Variants in PSMB7 observed in about 807,000 individuals in gnomAD.
PSMB7 encodes proteasome 20S subunit beta 7.
A neutral mutation model predicts 28.1 loss-of-function variants in PSMB7; 5 were observed. That is an observed-to-expected ratio of 0.18 (90% confidence interval 0.09 to 0.37). The LOEUF (loss-of-function observed/expected upper bound fraction) is 0.37. PSMB7 is among the 10% of genes least tolerant of loss of function. The pLI, the probability that PSMB7 is intolerant of heterozygous loss-of-function variation, is 1.00. For missense variants in PSMB7, 275 were observed against 346.2 expected (o/e 0.79, Z 1.63); for synonymous variants, 122 against 123.7 (o/e 0.99, Z 0.09).
intron 5 of PSMB7, among the ~76,000 whole-genome samples, chr9:124,403,077 T>A (rs1830928435): frequency 6.6e-6 from 1 of 151,836 alleles, no homozygotes; most frequent in South Asian, 2.1e-4. Flanking sequence ...CAGAAAATAT[T>A]AAGAGGTAAA....
chr9:124,374,295 A>AT (rs1335503977), intron 6 of PSMB7, among the ~76,000 whole-genome samples: 1 of 152,210 alleles, frequency 6.6e-6, no homozygotes, highest in African/African-American at 2.4e-5. Flanking sequence ...GGTGCTGGAA[A>AT]TGTCCTAAGA....
chr9:124,375,574 C>T (rs1426823566), intron 6 of PSMB7, among the ~76,000 whole-genome samples: 1 of 152,072 alleles, frequency 6.6e-6, no homozygotes, highest in Non-Finnish European at 1.5e-5. Flanking sequence ...CAAATATAAC[C>T]TTAAAACCTA....
chr9:124,411,765 A>C (rs1831029342), intron 4 of PSMB7, among the ~76,000 whole-genome samples: 1 of 152,222 alleles, frequency 6.6e-6, no homozygotes, highest in Non-Finnish European at 1.5e-5. Context: ...TTTAAACCTC[A>C]ATTTCTTCAC....
In PSMB7 at chr9:124,356,079, C is replaced by G. The variant is rs1456826172; in HGVS notation, c.722+685G>C. 6.6e-6 allele frequency among the ~76,000 whole-genome samples: 1 copy of G among 152,148 alleles called. No individual in the cohort carries two copies. The highest frequency in any genetic ancestry group is 2.4e-5 in the African/African-American group (1 of 41,414). Reference sequence around the variant, plus strand: ...GGGAGCCCATCCTGACCTGCCCGGGCTCCCAGAAGAGGTCAGGAGCCACAG... The same window carrying G: ...GGGAGCCCATCCTGACCTGCCCGGGGTCCCAGAAGAGGTCAGGAGCCACAG... On this transcript the variant is annotated intron_variant, in intron 7 of 7. Transcript: ENST00000259457. The surrounding 1 kb of genome is among the most constrained non-coding windows in gnomAD (Gnocchi z 4.4).
chr9:124,384,679 T>C, intron 5 of PSMB7, 23 bp from the exon 6 acceptor site: 3 of 1,610,332 alleles, frequency 1.9e-6, no homozygotes, highest in Non-Finnish European at 1.7e-6. Context: ...GGTGCACTTT[T>C]AGTGTATTTT....
chr9:124,361,159 A>C (rs1450068102), intron 6 of PSMB7, among the ~76,000 whole-genome samples: 2 of 152,228 alleles, frequency 1.3e-5, no homozygotes, highest in Non-Finnish European at 2.9e-5. Context: ...GACCAAACTA[A>C]CTGGGAATAT....
At chr9:124,375,768 A>G (rs1226330108) in intron 6 of PSMB7, among the ~76,000 whole-genome samples, 1 of 152,192 alleles carries the variant, frequency 6.6e-6, no homozygotes, top group Non-Finnish European at 1.5e-5. Context: ...TGATGCCAAC[A>G]GGGTTCAAGT....
At chr9:124,400,478 G>A (rs1830891256) in intron 5 of PSMB7, among the ~76,000 whole-genome samples, 1 of 152,200 alleles carries the variant, frequency 6.6e-6, no homozygotes, top group Non-Finnish European at 1.5e-5. Flanking sequence ...GAATTCCACT[G>A]CCATCTGAGC....
intron 6 of PSMB7, among the ~76,000 whole-genome samples, chr9:124,366,386 T>G (rs1269128556): frequency 2.6e-5 from 4 of 152,210 alleles, no homozygotes; most frequent in Admixed American, 2.0e-4. Context: ...TGGGCAAGAC[T>G]CTGTCTCAAA....
chr9:124,397,933 C>G (rs1310693014), intron 5 of PSMB7, among the ~76,000 whole-genome samples: 1 of 152,106 alleles, frequency 6.6e-6, no homozygotes, highest in Non-Finnish European at 1.5e-5. Flanking sequence ...TTTGGGAGGC[C>G]GAGGCGGGTG....
Position 124,412,387 on chromosome 9 carries a change from C to G in PSMB7, c.360G>C (p.Val120=), listed in dbSNP as rs1460294145. The G allele has an allele frequency of 1.2e-6, 2 of 1,614,052 alleles. No homozygotes were observed. Among genetic ancestry groups the G allele is most frequent in the East Asian group, 4.5e-5 (2 of 44,880 alleles). The part of the protein sequence containing the change: ...SLSTGRLPRV[V]TANRMLKQML... ...TCTGCTTCAGCATCCGATTGGCTGTCACAACTCTGGGAAGACGGCCAGTGG... is the reference window on the plus strand; with the variant it reads ...TCTGCTTCAGCATCCGATTGGCTGTGACAACTCTGGGAAGACGGCCAGTGG... The change falls in exon 4 of 8, where the codon GTG becomes GTC. Residue 120 remains valine (V), a synonymous_variant. Coordinates refer to ENST00000259457, the MANE Select transcript of PSMB7 (RefSeq NM_002799.4).
intron 5 of PSMB7, among the ~76,000 whole-genome samples, chr9:124,391,704 G>C (rs1458241130): frequency 6.7e-6 from 1 of 150,240 alleles, no homozygotes; most frequent in Non-Finnish European, 1.5e-5. Context: ...AAGGTGTTTC[G>C]ATCTTAGCTT....
intron 5 of PSMB7, among the ~76,000 whole-genome samples, chr9:124,391,214 A>C (rs984673990): frequency 1.2e-4 from 18 of 152,242 alleles, no homozygotes; most frequent in African/African-American, 4.3e-4. Flanking sequence ...ATTTTACAAA[A>C]GGAGAATAAA....
chr9:124,400,879 CAGA>C (rs1830896613), intron 5 of PSMB7, among the ~76,000 whole-genome samples: 1 of 152,160 alleles, frequency 6.6e-6, no homozygotes, highest in African/African-American at 2.4e-5. Flanking sequence ...AGATGTTCAT[CAGA>C]AGAAGAATGG....
chr9:124,386,162 A>C (rs1324073504), intron 5 of PSMB7, among the ~76,000 whole-genome samples: 1 of 151,914 alleles, frequency 6.6e-6, no homozygotes, highest in Non-Finnish European at 1.5e-5. Context: ...AAAAAAAAAA[A>C]CTAAAATGGT....
chr9:124,368,166 C>G (rs996108446), intron 6 of PSMB7, among the ~76,000 whole-genome samples: 1 of 150,682 alleles, frequency 6.6e-6, no homozygotes, highest in African/African-American at 2.4e-5. Context: ...TGTGTGCAGG[C>G]TCTGTGCCAA....
chr9:124,374,525 A>G (rs79528032), intron 6 of PSMB7, among the ~76,000 whole-genome samples: 5 of 152,240 alleles, frequency 3.3e-5, no homozygotes, highest in African/African-American at 4.8e-5. Context: ...TTTAATATTA[A>G]TTTTTTTTAA....
chr9:124,413,836 G>T, intron 3 of PSMB7, 72 bp downstream of exon 3: 1 of 1,058,416 alleles, frequency 9.4e-7, no homozygotes. Flanking sequence ...TTAGTAAGGA[G>T]CACAGGAAGG....
intron 4 of PSMB7, among the ~76,000 whole-genome samples, chr9:124,406,505 A>T (rs1229942882): frequency 6.6e-6 from 1 of 151,132 alleles, no homozygotes; most frequent in African/African-American, 2.4e-5. Context: ...CTCAAAAAAA[A>T]AAAAAAAAAA....
Sources: gnomAD v4.1 joint callset for allele counts (sites outside exome capture counted in the v4.1 genomes callset) on GRCh38, gnomAD v4.1.1 for gene constraint, Gnocchi (gnomAD v3.1) non-coding constraint, MANE v1.5 for transcripts, NCBI Gene and HGNC (gene_info 2026-07-23, HGNC 2026-07-21) for gene names.